Variants in RNF145 observed in about 807,000 individuals in gnomAD.
The protein encoded by RNF145 is ring finger protein 145.
Under a neutral mutation model 57.3 loss-of-function variants are expected in RNF145, and 12 were observed. The ratio of observed to expected loss-of-function variants is 0.21; its 90% CI spans 0.13 to 0.34. RNF145 has a LOEUF of 0.34. Among genes scored for constraint, RNF145 ranks in the 10% least tolerant of loss-of-function variants. The probability of loss-of-function intolerance (pLI) is 1.00; values close to 1 mark genes in which losing one functional copy is unlikely to be tolerated. For synonymous variants in RNF145, 262 were observed against 288.3 expected (o/e 0.91, Z 0.92); for missense variants, 429 against 799.0 (o/e 0.54, Z 5.58).
At chr5:159,199,069 A>G (rs1785572599) in intron 2 of RNF145, among the ~76,000 whole-genome samples, 2 of 152,168 alleles carry the variant, frequency 1.3e-5, no homozygotes, top group Non-Finnish European at 2.9e-5. Flanking sequence ...TTCTTACCTT[A>G]AAGGAGCTCA....
At chr5:159,176,118 T>A (rs1458165203) in intron 5 of RNF145, among the ~76,000 whole-genome samples, 1 of 152,124 alleles carries the variant, frequency 6.6e-6, no homozygotes, top group Admixed American at 6.6e-5. Context: ...ACTATTTAAC[T>A]TTTCTGTTTA....
chr5:159,183,960 T>TA (rs1784978661), intron 3 of RNF145, among the ~76,000 whole-genome samples: 1 of 152,228 alleles, frequency 6.6e-6, no homozygotes, highest in African/African-American at 2.4e-5. Flanking sequence ...CTGCTCACTT[T>TA]AAAATGATTA....
chr5:159,182,975 A>G (rs1784944530), intron 3 of RNF145, among the ~76,000 whole-genome samples: 1 of 152,212 alleles, frequency 6.6e-6, no homozygotes, highest in African/African-American at 2.4e-5. Flanking sequence ...ATGACTTCCC[A>G]TTAGGCAATC....
At chr5:159,208,157 T>C (rs1397562987) in intron 1 of RNF145, 19 of 1,411,200 alleles carry the variant, frequency 1.3e-5, no homozygotes, top group Non-Finnish European at 1.7e-5. Flanking sequence ...TCAGATGCGT[T>C]TGAACTACAG....
At chr5:159,159,847 A>T (rs1784156421) in intron 10 of RNF145, among the ~76,000 whole-genome samples, 1 of 152,224 alleles carries the variant, frequency 6.6e-6, no homozygotes, top group Admixed American at 6.5e-5. Flanking sequence ...TCGTGAATCA[A>T]CCATTAATTT....
In RNF145 at chr5:159,157,470, T is replaced by C. The variant is rs1487061926; in HGVS notation, c.*1200A>G. Reference sequence around the variant, plus strand: ...ATGTCTGTCAGTCTACATCCAAATTTGCTACTAAAAATAAAATAAAGTCAC... The same window carrying C: ...ATGTCTGTCAGTCTACATCCAAATTCGCTACTAAAAATAAAATAAAGTCAC... On this transcript the variant is annotated 3_prime_UTR_variant, in exon 11 of 11. Transcript: ENST00000424310. 1 of 152,780 alleles carries C rather than the reference T, an allele frequency of 6.5e-6. No individual in the cohort carries two copies. Among genetic ancestry groups the C allele is most frequent in the African/African-American group, 2.4e-5 (1 of 41,476 alleles). The allele number at this position is 152,780 out of a possible 1,614,324, so 9.5% of individuals were successfully genotyped here.
rs371511558 is a variant in RNF145, at chr5:159,159,536, C to T, written c.1627-501G>A. Among the ~76,000 whole-genome samples the T allele has an allele frequency of 2.0e-4, 30 of 152,278 alleles. 3 individuals carry two copies. The highest frequency in any genetic ancestry group is 7.2e-4 in the Admixed American group (11 of 15,296). ...GCAAGGAAGTGGCACTCTCTCATTA[C>T]GGACAATGTATATACCCAGTTTTCA... On this transcript the variant is annotated intron_variant, in intron 10 of 10. Transcript: ENST00000424310.
At chr5:159,183,899 AG>A (rs1784976431) in intron 3 of RNF145, among the ~76,000 whole-genome samples, 1 of 152,198 alleles carries the variant, frequency 6.6e-6, no homozygotes, top group Admixed American at 6.6e-5. Flanking sequence ...TTTTAGAATT[AG>A]ATAAAGGTGA....
In RNF145 at chr5:159,182,050, C is replaced by T. The variant is rs1439659440; in HGVS notation, c.295G>A (p.Asp99Asn). The T allele has an allele frequency of 6.3e-7, 1 of 1,579,756 alleles. No individual in the cohort carries two copies. Among genetic ancestry groups the T allele is most frequent in the Non-Finnish European group, 8.7e-7 (1 of 1,149,896 alleles). ...AACTCCAGTTCACTCCGAACATAGT[C>T]CCTAAATAAGAAAATTGATTAGAAT... ...LLYAGHQISR[D>N]YVRSELEFAY... The change falls in exon 4 of 11, where the codon GAC becomes AAC. Residue 99 changes from aspartate (D) to asparagine (N), a missense_variant and splice_region_variant. Physicochemically the swap from Asp to Asn is conservative, Grantham distance 23 (BLOSUM62 1). This residue lies in a region of RNF145 where 109 missense variants were observed against 207.2 expected (regional missense o/e 0.53). Transcript: ENST00000424310.
At chr5:159,194,649 G>C in intron 3 of RNF145, 67 bp downstream of exon 3, 1 of 1,024,710 alleles carries the variant, frequency 9.8e-7, no homozygotes, top group Non-Finnish European at 1.5e-6. Context: ...TTCATGAAAA[G>C]TATTTTATTG....
rs773735563 is a variant in RNF145 at position 159,158,705 on chromosome 5, C to T, written c.1957G>A (p.Ala653Thr). The T allele has an allele frequency of 6.2e-7, 1 of 1,613,974 alleles. No homozygotes were observed. The highest frequency in any genetic ancestry group is 1.7e-5 in the Admixed American group (1 of 60,018). ...TCAACAGGATGTGCTTCATCTTTCG[C>T]ACTGTGAGGATATTCTTTGGGGTCA... ...AFDPKEYPHS[A>T]KDEAHPVESA Residue 653 changes from alanine to threonine, a missense_variant, in exon 11 of 11, where the codon GCG becomes ACG. By Grantham distance (58) the Ala-to-Thr change is moderately conservative. This residue lies in a region of RNF145 where 102 missense variants were observed against 106.2 expected (regional missense o/e 0.96). Transcript: ENST00000424310.
intron 6 of RNF145, among the ~76,000 whole-genome samples, chr5:159,171,942 T>A (rs1784573872): frequency 6.6e-6 from 1 of 152,124 alleles, no homozygotes; most frequent in Non-Finnish European, 1.5e-5. Flanking sequence ...AAGAAAAAAA[T>A]TATGTTAGCA....
intron 2 of RNF145, among the ~76,000 whole-genome samples, chr5:159,197,726 A>G (rs893299490): frequency 2.0e-5 from 3 of 152,242 alleles, no homozygotes; most frequent in Non-Finnish European, 4.4e-5. Flanking sequence ...TAAGTTGACA[A>G]TGGCAAAGCT....
chr5:159,161,400 C>A lies in RNF145; in HGVS notation c.1492G>T (p.Val498Leu). Residue 498 changes from valine to leucine, a missense_variant, in exon 10 of 11, where the codon GTG (valine) becomes TTG (leucine). Val to Leu is a conservative substitution (Grantham distance 32, BLOSUM62 1). This residue lies in a region of RNF145 where 216 missense variants were observed against 457.6 expected (regional missense o/e 0.47). Transcript: ENST00000424310. ...MIIFIHSYYN[V>L]WLRAQLGWKS... Reference sequence around the variant, plus strand: ...CACCCCAGCTGGGCCCGAAGCCACACGTTATAGTAGGAATGAATGAAGATG... The same window carrying A: ...CACCCCAGCTGGGCCCGAAGCCACAAGTTATAGTAGGAATGAATGAAGATG... 6.2e-7 allele frequency: 1 copy of A among 1,614,142 alleles called. No homozygotes were observed.
At chr5:159,190,800 A>G (rs545711367) in intron 3 of RNF145, among the ~76,000 whole-genome samples, 1 of 152,244 alleles carries the variant, frequency 6.6e-6, no homozygotes, top group African/African-American at 2.4e-5. Flanking sequence ...ATATTCAAAC[A>G]TTGGTATTTA....
Position 159,161,506 on chromosome 5 carries a change from C to T in RNF145, c.1386G>A (p.Glu462=), listed in dbSNP as rs1257120613. ...CCACCACACAGAGGGCCACAAGAAA[C>T]TCCAGCAGGCGGTAAGTGCCATTCA... ...YYVNGTYRLL[E]FLVALCVVAY... Residue 462 remains glutamate, a synonymous_variant, in exon 10 of 11, where the codon GAG becomes GAA. Coordinates refer to ENST00000424310, the MANE Select transcript of RNF145 (RefSeq NM_001199383.2). 6.8e-6 allele frequency: 11 copies of T among 1,614,006 alleles called. No individual in the cohort carries two copies. Among genetic ancestry groups the T allele is most frequent in the Non-Finnish European group, 9.3e-6 (11 of 1,180,024 alleles).
intron 3 of RNF145, among the ~76,000 whole-genome samples, chr5:159,190,371 C>T (rs1391881189): frequency 6.6e-6 from 1 of 151,654 alleles, no homozygotes; most frequent in East Asian, 1.9e-4. Flanking sequence ...GTGACTATCT[C>T]GATAAAGTTG....
intron 4 of RNF145, among the ~76,000 whole-genome samples, chr5:159,177,511 A>G (rs1364453016): frequency 6.6e-6 from 1 of 152,074 alleles, no homozygotes; most frequent in Non-Finnish European, 1.5e-5. Context: ...AGGTAGTCCT[A>G]AGAACACCCT....
Position 159,161,640 on chromosome 5 carries a change from ATGT to A in RNF145, c.1270-21_1270-19del. On this transcript the variant is annotated intron_variant, in intron 9 of 10. Coordinates refer to ENST00000424310, the MANE Select transcript of RNF145 (RefSeq NM_001199383.2). ...CCCAGAACCTGAAAAAAAAAAAAAAATGTACGTATCTTGAAATATGATCACTAA... is the reference window on the plus strand; with the variant it reads ...CCCAGAACCTGAAAAAAAAAAAAAAAACGTATCTTGAAATATGATCACTAA... 2 of 906,086 alleles carry A rather than the reference ATGT, an allele frequency of 2.2e-6. No homozygotes were observed. Among genetic ancestry groups the A allele is most frequent in the Non-Finnish European group, 3.4e-6 (2 of 588,082 alleles). The allele number at this position is 906,086 out of a possible 1,614,324, so 56.1% of individuals were successfully genotyped here. A position where few individuals can be genotyped will look rare whatever the true frequency, so the allele number is the denominator to read the frequency against.
Sources: allele counts gnomAD v4.1 joint callset (sites outside exome capture counted in the v4.1 genomes callset), GRCh38; gene constraint gnomAD v4.1.1; regional missense constraint gnomAD v4.1.1; transcripts MANE v1.5; gene names NCBI Gene and HGNC (gene_info 2026-07-23, HGNC 2026-07-21).